The following ABCB9 variants were observed in gnomAD, a reference collection of about 807,000 sequenced individuals.
The protein encoded by ABCB9 is ATP binding cassette subfamily B member 9, also known as ABC-type oligopeptide transporter ABCB9.
In ABCB9, 36 loss-of-function variants were observed where a neutral mutation model predicts 62.0. The observed-to-expected ratio is 0.58, with a 90% confidence interval of 0.45 to 0.77. The LOEUF (loss-of-function observed/expected upper bound fraction) is 0.77. Ranked by LOEUF, ABCB9 falls within the 30% of genes least tolerant of loss-of-function variation. The pLI, the probability that ABCB9 is intolerant of heterozygous loss-of-function variation, is 0.00. For synonymous variants in ABCB9, 435 were observed against 461.4 expected (o/e 0.94, Z 0.73); for missense variants, 943 against 1,054.7 (o/e 0.89, Z 1.47).
chr12:122,974,941 C>T (rs1457957781), exon 1 of ABCB9: 1 of 255,430 alleles, frequency 3.9e-6, no homozygotes, highest in African/African-American at 2.2e-5. Context: ...AAGTCAAAGG[C>T]CTTGGGGCTC....
At chr12:122,969,732 CAAAAAA>C (rs58746093), upstream of ABCB9, among the ~76,000 whole-genome samples, 1 of 90,914 alleles carries the variant, frequency 1.1e-5, no homozygotes, top group Non-Finnish European at 2.4e-5. Context: ...GACCCTGTCT[CAAAAAA>C]AAAAAAAAAG....
At position 122,929,694 on chromosome 12, in the gene ABCB9, G is replaced by C. The variant is rs1441858071; in HGVS notation, c.*217C>G. The C allele has an allele frequency of 3.9e-6, 5 of 1,291,514 alleles. No individual in the cohort carries two copies. The highest frequency in any genetic ancestry group is 1.5e-5 in the African/African-American group (1 of 67,520). 80.0% of individuals were successfully genotyped at this position (1,291,514 alleles called of 1,614,324 possible). A position where few individuals can be genotyped will look rare whatever the true frequency, so the allele number is the denominator to read the frequency against. On this transcript the variant is annotated 3_prime_UTR_variant, in exon 12 of 12. Coordinates refer to ENST00000280560, the MANE Select transcript of ABCB9 (RefSeq NM_019625.4). This position sits in a 1 kb window ranked among gnomAD's most constrained non-coding sequence, Gnocchi z 6.0. ...TTTGCTTAGGAGGCTAGGGAGGTCC[G>C]TGAAGGCGTTGGCTCAGGGCAGCAG...
At chr12:122,948,860 A>G (rs1192995695) in intron 4 of ABCB9, 31 bp from the exon 5 acceptor site, 18 of 1,451,086 alleles carry the variant, frequency 1.2e-5, no homozygotes, top group Non-Finnish European at 1.3e-5. Context: ...CTCTCACCAC[A>G]GCAACCCGGG....
At position 122,950,015 on chromosome 12, in the gene ABCB9, A is replaced by T. The variant is rs2036274965; in HGVS notation, c.717-97T>A. ...CGCTGCCGGCAGGCCTGGGAGCCCCACCGCAGCCCCACTCCAGGGCTGGCA... is the reference window on the plus strand; with the variant it reads ...CGCTGCCGGCAGGCCTGGGAGCCCCTCCGCAGCCCCACTCCAGGGCTGGCA... On this transcript the variant is annotated intron_variant, in intron 3 of 11. Coordinates refer to ENST00000280560, the MANE Select transcript of ABCB9 (RefSeq NM_019625.4). 3 of 1,528,126 alleles carry T rather than the reference A, an allele frequency of 2.0e-6. No homozygotes were observed. The African/African-American group carries it at 4.1e-5, about 21-fold the overall frequency. The allele number at this position is 1,528,126 out of a possible 1,614,324, so 94.7% of individuals were successfully genotyped here.
At chr12:122,943,615 T>A (rs1185931312) in intron 7 of ABCB9, among the ~76,000 whole-genome samples, 1 of 152,160 alleles carries the variant, frequency 6.6e-6, no homozygotes, top group Non-Finnish European at 1.5e-5. Flanking sequence ...CACTTGTTGG[T>A]AGTATTATCA....
At chr12:122,952,877 A>G (rs1405558729) in intron 2 of ABCB9, 2 of 152,250 alleles carry the variant, frequency 1.3e-5, no homozygotes, top group Admixed American at 1.3e-4. Flanking sequence ...CACTGGGACT[A>G]TCTCAGTAGC....
downstream of ABCB9, among the ~76,000 whole-genome samples, chr12:122,928,535 A>G (rs895204512): frequency 4.6e-5 from 7 of 151,874 alleles, no homozygotes; most frequent in African/African-American, 1.5e-4. Flanking sequence ...CTGGGACCCC[A>G]GAGTTCTTCA....
At chr12:122,963,164 G>A (rs747567496) in intron 1 of ABCB9, among the ~76,000 whole-genome samples, 6 of 152,152 alleles carry the variant, frequency 3.9e-5, no homozygotes, top group Non-Finnish European at 7.3e-5. Flanking sequence ...CGAGCATGGT[G>A]GTGCACGCCT....
chr12:122,957,327 C>G (rs2036652161), intron 2 of ABCB9, among the ~76,000 whole-genome samples: 1 of 152,102 alleles, frequency 6.6e-6, no homozygotes, highest in Non-Finnish European at 1.5e-5. Context: ...TAGACATGAG[C>G]CACTGCACCC....
At chr12:122,954,230 C>T (rs1173810256) in intron 2 of ABCB9, among the ~76,000 whole-genome samples, 3 of 151,218 alleles carry the variant, frequency 2.0e-5, no homozygotes, top group African/African-American at 4.9e-5. Context: ...TTTTTTGAGA[C>T]GGAGTTTCAC....
At chr12:122,937,358 TA>T (rs77730174) in intron 9 of ABCB9, among the ~76,000 whole-genome samples, 197 of 135,818 alleles carry the variant, frequency 1.5e-3, no homozygotes, top group Middle Eastern at 3.8e-3. Flanking sequence ...GACTCCATCT[TA>T]AAAAAAAAAA....
At position 122,964,141 on chromosome 12, in the gene ABCB9, G is replaced by A. The variant is rs904245583; in HGVS notation, c.-88+2146C>T. On this transcript the variant is annotated intron_variant, in intron 1 of 11. Transcript: ENST00000280560. This position sits in a 1 kb window ranked among gnomAD's most constrained non-coding sequence, Gnocchi z 4.7. ...GGCACATGGGGTCCCTCAGTCCCCAGAAAGGGGCTCGGGCTCAGAAGTGGA... is the reference window on the plus strand; with the variant it reads ...GGCACATGGGGTCCCTCAGTCCCCAAAAAGGGGCTCGGGCTCAGAAGTGGA... Among the ~76,000 whole-genome samples the A allele has an allele frequency of 6.6e-5, 10 of 152,154 alleles. No individual in the cohort carries two copies. Among genetic ancestry groups the A allele is most frequent in the South Asian group, 4.1e-4 (2 of 4,838 alleles).
upstream of ABCB9, among the ~76,000 whole-genome samples, chr12:122,967,494 T>C (rs974640002): frequency 6.6e-6 from 1 of 152,188 alleles, no homozygotes; most frequent in Admixed American, 6.5e-5. Context: ...CTGGATCCTC[T>C]GATCAGAGGC....
In ABCB9 at chr12:122,948,731, C is replaced by T. The variant is rs2135852702; in HGVS notation, c.946G>A (p.Gly316Ser). ...VFLRNTVKVTGVVVFMFSLSW... is the reference protein window; with the variant it reads ...VFLRNTVKVTSVVVFMFSLSW... ...AGGCTGAACATGAAGACCACCACGC[C>T]CGTGACCTTGACTGTGTTCCGCAGG... The change falls in exon 5 of 12, where the codon GGC (glycine) becomes AGC (serine). Residue 316 changes from glycine to serine, a missense_variant. Physicochemically the swap from Gly to Ser is moderately conservative, Grantham distance 56. Coordinates refer to ENST00000280560, the MANE Select transcript of ABCB9 (RefSeq NM_019625.4). 6.2e-7 allele frequency: 1 copy of T among 1,613,996 alleles called. No homozygotes were observed. The highest frequency in any genetic ancestry group is 2.2e-5 in the East Asian group (1 of 44,872).
At position 122,940,264 on chromosome 12, in the gene ABCB9, G is replaced by A. The variant is rs368501864; in HGVS notation, c.1590C>T (p.Ser530=). 8.1e-6 allele frequency: 13 copies of A among 1,603,618 alleles called. No homozygotes were observed. Among genetic ancestry groups the A allele is most frequent in the Middle Eastern group, 1.7e-4 (1 of 5,986 alleles). Residue 530 remains serine (S), a synonymous_variant, in exon 9 of 12, where the codon TCC becomes TCT. Coordinates refer to ENST00000280560, the MANE Select transcript of ABCB9 (RefSeq NM_019625.4). This position sits in a 1 kb window ranked among gnomAD's most constrained non-coding sequence, Gnocchi z 4.8. ...QVLQNVSFSL[S]PGKVTALVGP... ...CCACCAGGGCCGTCACCTTGCCGGG[G>A]GACAGGCTGAAGGAGACATTCTGCA... is the stretch of plus-strand genomic sequence containing the variant.
At chr12:122,935,622 A>G (rs2035422218) in intron 9 of ABCB9, among the ~76,000 whole-genome samples, 191 bp from the exon 10 acceptor site, 1 of 152,172 alleles carries the variant, frequency 6.6e-6, no homozygotes, top group Non-Finnish European at 1.5e-5. Flanking sequence ...ACAAGCCCTC[A>G]GCCTCCCCTA....
intron 7 of ABCB9, among the ~76,000 whole-genome samples, chr12:122,943,839 G>C (rs2035895081): frequency 6.6e-6 from 1 of 152,086 alleles, no homozygotes; most frequent in Non-Finnish European, 1.5e-5. Flanking sequence ...GCAGTGGCGT[G>C]ATCACGGCTC....
At chr12:122,950,057 C>A in intron 3 of ABCB9, 139 bp from the exon 4 acceptor site, 2 of 1,211,644 alleles carry the variant, frequency 1.7e-6, no homozygotes, top group Non-Finnish European at 2.3e-6. Context: ...CGGGGTCCCC[C>A]TCATTCCCAG....
chr12:122,928,943 A>G (rs1158271175), downstream of ABCB9: 3 of 961,954 alleles, frequency 3.1e-6, no homozygotes, highest in African/African-American at 3.5e-5. Flanking sequence ...GGTCTGGTGG[A>G]AAAACCTAAC....
Sources: allele counts gnomAD v4.1 joint callset (sites outside exome capture counted in the v4.1 genomes callset), GRCh38; gene constraint gnomAD v4.1.1; non-coding constraint Gnocchi (gnomAD v3.1); transcripts MANE v1.5; gene names NCBI Gene and HGNC (gene_info 2026-07-23, HGNC 2026-07-21).